The following NHEJ1 variants were observed in gnomAD, a reference collection of about 807,000 sequenced individuals.
NHEJ1 encodes non-homologous end joining factor 1.
NHEJ1 carries 22 observed loss-of-function variants against 39.4 expected under a neutral mutation model. The observed-to-expected ratio is 0.56, with a 90% confidence interval of 0.40 to 0.80. The LOEUF (loss-of-function observed/expected upper bound fraction) is 0.80. Among genes scored for constraint, NHEJ1 ranks in the 30% least tolerant of loss-of-function variants. The pLI is 0.00. For missense variants in NHEJ1, 329 were observed against 357.1 expected (o/e 0.92, Z 0.63); for synonymous variants, 154 against 135.6 (o/e 1.14, Z -0.94).
At chr2:219,139,763 G>C (rs970097120) in intron 5 of NHEJ1, among the ~76,000 whole-genome samples, 3 of 152,004 alleles carry the variant, frequency 2.0e-5, no homozygotes, top group Non-Finnish European at 4.4e-5. Context: ...TGCAAGCTCT[G>C]AGACCTCCCA....
chr2:219,076,444 G>T lies in NHEJ1; in HGVS notation c.837C>A (p.Gly279=), dbSNP rs145592698. The change falls in exon 8 of 8, where the codon GGC becomes GGA. Residue 279 remains glycine, a synonymous_variant. Coordinates refer to ENST00000356853, the MANE Select transcript of NHEJ1 (RefSeq NM_024782.3). ...APEKESTGTS[G]PLQRPQLSKV... The stretch of plus-strand genomic sequence containing the variant: ...TTGACAGCTGAGGTCTCTGCAGAGG[G>T]CCTGAAGTACCCTAGAAAAAAGGGA... 2.4e-5 allele frequency: 38 copies of T among 1,613,958 alleles called. No homozygotes were observed. In the African/African-American group the frequency reaches 2.8e-4, roughly 12 times the overall value.
Position 219,129,131 on chromosome 2 carries a change from G to A in NHEJ1, c.588+17549C>T, listed in dbSNP as rs141643716. ...TTGAGGCTTCAATAGAATATTCTGA[G>A]CAACTATTTTTACCTAAACAGACTT... On this transcript the variant is annotated intron_variant, in intron 5 of 7. Transcript: ENST00000356853. Among the ~76,000 whole-genome samples, 528 of 152,300 alleles carry A rather than the reference G, an allele frequency of 3.5e-3. 2 individuals are homozygous for A. Among genetic ancestry groups the A allele is most frequent in the African/African-American group, 0.012 (501 of 41,558 alleles).
chr2:219,155,795 T>G (rs988946563), intron 3 of NHEJ1, among the ~76,000 whole-genome samples: 9 of 150,080 alleles, frequency 6.0e-5, no homozygotes, highest in Non-Finnish European at 1.0e-4. Context: ...CGTGGTGGTG[T>G]GCGCCTGTAG....
intron 5 of NHEJ1, among the ~76,000 whole-genome samples, chr2:219,143,874 G>A (rs1949712452): frequency 6.6e-6 from 1 of 152,188 alleles, no homozygotes; most frequent in Non-Finnish European, 1.5e-5. Context: ...AATGAGCCAT[G>A]AGAATAACTG....
chr2:219,142,361 G>A (rs533218160), intron 5 of NHEJ1, among the ~76,000 whole-genome samples: 187 of 152,298 alleles, frequency 1.2e-3, no homozygotes, highest in Admixed American at 2.9e-3. Flanking sequence ...GCCAGCTGTA[G>A]AGGGCGGGGC....
chr2:219,137,966 G>A (rs1416167074), intron 5 of NHEJ1, among the ~76,000 whole-genome samples: 2 of 152,048 alleles, frequency 1.3e-5, no homozygotes, highest in African/African-American at 2.4e-5. Flanking sequence ...ACCGAATACC[G>A]AAAGGATGAA....
chr2:219,079,897 C>T (rs938345321), intron 5 of NHEJ1, among the ~76,000 whole-genome samples: 4 of 152,200 alleles, frequency 2.6e-5, no homozygotes, highest in African/African-American at 9.7e-5. Context: ...TGATGCCTCT[C>T]TTAGGGTCAC....
At chr2:219,114,024 C>T (rs986300938) in intron 5 of NHEJ1, among the ~76,000 whole-genome samples, 10 of 152,142 alleles carry the variant, frequency 6.6e-5, no homozygotes, top group African/African-American at 2.4e-4. Flanking sequence ...GAAAGTGGGG[C>T]AGGGGCTGAA....
intron 5 of NHEJ1, among the ~76,000 whole-genome samples, chr2:219,114,088 C>A (rs1949389381): frequency 1.3e-5 from 2 of 152,138 alleles, no homozygotes; most frequent in African/African-American, 4.8e-5. Flanking sequence ...CGGCTTTGAG[C>A]ATGTTAAGGA....
At chr2:219,146,504 C>T (rs766282494) in intron 5 of NHEJ1, among the ~76,000 whole-genome samples, 176 bp downstream of exon 5, 13 of 152,066 alleles carry the variant, frequency 8.5e-5, no homozygotes, top group Non-Finnish European at 1.3e-4. Context: ...CCCGTTTTTT[C>T]CCTCATCTTC....
chr2:219,091,328 C>CAGCATAACCTCAG (rs1427662870), intron 5 of NHEJ1, among the ~76,000 whole-genome samples: 1 of 152,038 alleles, frequency 6.6e-6, no homozygotes, highest in Non-Finnish European at 1.5e-5. Flanking sequence ...CTAGGGTAAA[C>CAGCATAACCTCAG]AGCATAACCT....
intron 5 of NHEJ1, among the ~76,000 whole-genome samples, chr2:219,137,812 C>A (rs2272019): frequency 0.57 from 86,505 of 151,890 alleles, 25,317 homozygotes; most frequent in Non-Finnish European, 0.64. Flanking sequence ...GCCCAGTTCA[C>A]GTCCTGCCAT....
intron 5 of NHEJ1, among the ~76,000 whole-genome samples, chr2:219,129,775 G>A (rs1035343867): frequency 3.9e-5 from 6 of 152,232 alleles, no homozygotes; most frequent in Non-Finnish European, 7.3e-5. Flanking sequence ...CAGGGGAGCC[G>A]TGCGCCCCGG....
At chr2:219,081,264 G>C (rs1407412615) in intron 5 of NHEJ1, among the ~76,000 whole-genome samples, 1 of 152,176 alleles carries the variant, frequency 6.6e-6, no homozygotes, top group Non-Finnish European at 1.5e-5. Context: ...GCTTGGGAAA[G>C]AGAAACATTA....
intron 5 of NHEJ1, among the ~76,000 whole-genome samples, chr2:219,135,915 G>T (rs1375020534): frequency 6.6e-6 from 1 of 152,170 alleles, no homozygotes; most frequent in Admixed American, 6.5e-5. Flanking sequence ...GGCAGAGTTG[G>T]TAACTTCCTT....
At chr2:219,138,837 T>C (rs1476533323) in intron 5 of NHEJ1, among the ~76,000 whole-genome samples, 1 of 152,130 alleles carries the variant, frequency 6.6e-6, no homozygotes, top group South Asian at 2.1e-4. Context: ...AGGTAACATT[T>C]GAAAAAAGAC....
rs1948976061 is a variant in NHEJ1, at chr2:219,073,005, A to G, written c.*3376T>C. On this transcript the variant is annotated 3_prime_UTR_variant, in exon 8 of 8. Coordinates refer to ENST00000356853, the MANE Select transcript of NHEJ1 (RefSeq NM_024782.3). ...GCTAAGGAGGAGGTAAGGGCTTGGGAAAATGGGAGGTCTAAGTGAAAAGGA... is the reference window on the plus strand; with the variant it reads ...GCTAAGGAGGAGGTAAGGGCTTGGGGAAATGGGAGGTCTAAGTGAAAAGGA... Among the ~76,000 whole-genome samples the G allele has an allele frequency of 6.6e-6, 1 of 152,118 alleles. No homozygotes were observed.
chr2:219,120,495 G>A (rs949362582), intron 5 of NHEJ1, among the ~76,000 whole-genome samples: 2 of 152,168 alleles, frequency 1.3e-5, no homozygotes, highest in African/African-American at 4.8e-5. Flanking sequence ...ATATAAAAAA[G>A]TGTTAATATT....
chr2:219,105,848 G>T (rs192352656), intron 5 of NHEJ1, among the ~76,000 whole-genome samples: 136 of 152,092 alleles, frequency 8.9e-4, no homozygotes, highest in Middle Eastern at 3.4e-3. Context: ...ACCTATATTT[G>T]CTCTCATTTC....
Sources: gnomAD v4.1 joint callset for allele counts (sites outside exome capture counted in the v4.1 genomes callset) on GRCh38, gnomAD v4.1.1 for gene constraint, MANE v1.5 for transcripts, NCBI Gene and HGNC (gene_info 2026-07-23, HGNC 2026-07-21) for gene names.